The following TENM2 variants were observed in gnomAD, a reference collection of about 807,000 sequenced individuals.
The protein encoded by TENM2 is teneurin transmembrane protein 2, also known as teneurin-2.
In TENM2, 52 loss-of-function variants were observed where a neutral mutation model predicts 245.2. That is an observed-to-expected ratio of 0.21 (90% CI 0.17 to 0.27). TENM2 has a LOEUF of 0.27. Ranked by LOEUF, TENM2 falls within the 10% of genes least tolerant of loss-of-function variation. The pLI, the probability that TENM2 is intolerant of heterozygous loss-of-function variation, is 1.00. For synonymous variants in TENM2, 1,363 were observed against 1,438.9 expected, an observed-to-expected ratio of 0.95 and a Z score of 1.19; for missense variants, 3,046 against 3,666.8, an observed-to-expected ratio of 0.83 and a Z score of 4.37.
At chr5:168,149,595 C>T (rs1328882129) in intron 12 of TENM2, among the ~76,000 whole-genome samples, 1 of 152,202 alleles carries the variant, frequency 6.6e-6, no homozygotes, top group East Asian at 1.9e-4. Context: ...AGCCTCCACC[C>T]TGGCTTACCC....
chr5:168,074,743 C>A (rs1017261209), intron 7 of TENM2, among the ~76,000 whole-genome samples: 7 of 152,172 alleles, frequency 4.6e-5, no homozygotes, highest in Non-Finnish European at 1.0e-4. Context: ...CATTTTGCAC[C>A]GGATGTCTTC....
the TENM2 span, among the ~76,000 whole-genome samples, chr5:167,163,246 C>A: frequency 6.6e-6 from 1 of 152,250 alleles, no homozygotes; most frequent in Non-Finnish European, 1.5e-5. Flanking sequence ...GGACTACAGG[C>A]ACATGCCACC....
chr5:167,564,107 C>G (rs1240911049), intron 2 of TENM2, among the ~76,000 whole-genome samples: 2 of 152,142 alleles, frequency 1.3e-5, no homozygotes, highest in Non-Finnish European at 2.9e-5. Flanking sequence ...GCGAGTCAGA[C>G]AGTGACCAAA....
At chr5:167,442,028 AAAAAG>A (rs1231094357) in intron 2 of TENM2, among the ~76,000 whole-genome samples, 3 of 152,216 alleles carry the variant, frequency 2.0e-5, no homozygotes, top group African/African-American at 4.8e-5. Flanking sequence ...GAGAAATTTT[AAAAAG>A]AAAAGAAAAG....
At chr5:167,918,713 G>A (rs1227001290) in intron 3 of TENM2, among the ~76,000 whole-genome samples, 1 of 151,920 alleles carries the variant, frequency 6.6e-6, no homozygotes, top group Admixed American at 6.6e-5. Flanking sequence ...TAAGCATTTG[G>A]CCAGCACCTC....
chr5:167,792,733 A>C (rs1297222873), intron 2 of TENM2, among the ~76,000 whole-genome samples: 1 of 137,300 alleles, frequency 7.3e-6, no homozygotes, highest in African/African-American at 2.7e-5. Context: ...TGAAAAATGG[A>C]AAAAAAAAAA....
At chr5:167,043,527 T>A in the TENM2 span, among the ~76,000 whole-genome samples, 1 of 151,992 alleles carries the variant, frequency 6.6e-6, no homozygotes, top group Non-Finnish European at 1.5e-5. Flanking sequence ...CCCAGAGATG[T>A]GAAAAAGTGC....
chr5:167,071,730 AT>A, the TENM2 span, among the ~76,000 whole-genome samples: 2 of 152,154 alleles, frequency 1.3e-5, no homozygotes, highest in African/African-American at 4.8e-5. Context: ...TATGGTAGGC[AT>A]TGGCTTCCCA....
At chr5:167,092,048 T>TA in the TENM2 span, among the ~76,000 whole-genome samples, 2 of 152,168 alleles carry the variant, frequency 1.3e-5, no homozygotes, top group Non-Finnish European at 2.9e-5. Flanking sequence ...AGAGGCCACA[T>TA]ACAGGATTCA....
intron 15 of TENM2, among the ~76,000 whole-genome samples, chr5:168,195,649 A>C (rs1761369559): frequency 6.8e-6 from 1 of 147,372 alleles, no homozygotes; most frequent in African/African-American, 2.5e-5. Context: ...AAGGGAAGGT[A>C]GCTCTTAGAA....
chr5:167,260,276 T>C, the TENM2 span, among the ~76,000 whole-genome samples: 1 of 151,918 alleles, frequency 6.6e-6, no homozygotes, highest in Admixed American at 6.5e-5. Context: ...TTAGCATTGT[T>C]TGTTCCTTTT....
At chr5:167,154,540 T>C in the TENM2 span, among the ~76,000 whole-genome samples, 1 of 152,184 alleles carries the variant, frequency 6.6e-6, no homozygotes, top group African/African-American at 2.4e-5. Flanking sequence ...TGATAGTGAA[T>C]AAAAATTCTT....
chr5:167,745,794 C>A (rs965240710), intron 2 of TENM2, among the ~76,000 whole-genome samples: 2 of 152,184 alleles, frequency 1.3e-5, no homozygotes, highest in African/African-American at 4.8e-5. Flanking sequence ...TTTGTAGGTT[C>A]ATCTATGCAT....
At chr5:167,809,613 G>T (rs1004291088) in intron 2 of TENM2, among the ~76,000 whole-genome samples, 3 of 152,106 alleles carry the variant, frequency 2.0e-5, no homozygotes, top group African/African-American at 7.2e-5. Context: ...ACTTAATACA[G>T]ATATGCCCCA....
intron 2 of TENM2, among the ~76,000 whole-genome samples, chr5:167,713,885 A>T (rs1302918853): frequency 1.3e-5 from 2 of 152,032 alleles, no homozygotes; most frequent in Non-Finnish European, 2.9e-5. Flanking sequence ...GACATGCTTG[A>T]GGTTATTATA....
chr5:167,591,894 C>T (rs898857738), intron 2 of TENM2, among the ~76,000 whole-genome samples: 7 of 152,174 alleles, frequency 4.6e-5, no homozygotes, highest in South Asian at 2.1e-4. Context: ...GTAACAATTT[C>T]ATAATGCTTT....
chr5:167,446,826 CAG>C (rs35186541), intron 2 of TENM2, among the ~76,000 whole-genome samples: 3 of 150,496 alleles, frequency 2.0e-5, no homozygotes, highest in African/African-American at 7.4e-5. Context: ...CACACACACA[CAG>C]ACATACATAC....
At chr5:167,597,617 G>C (rs919776008) in intron 2 of TENM2, among the ~76,000 whole-genome samples, 1 of 152,226 alleles carries the variant, frequency 6.6e-6, no homozygotes, top group African/African-American at 2.4e-5. Flanking sequence ...GAGCAGGTGA[G>C]AGGACAGCAG....
chr5:167,301,760 G>C (rs1347832170), intron 1 of TENM2, among the ~76,000 whole-genome samples: 1 of 152,086 alleles, frequency 6.6e-6, no homozygotes, highest in Non-Finnish European at 1.5e-5. Context: ...ATCTGATTTG[G>C]GATAAGGAAA....
Sources: allele counts gnomAD v4.1 joint callset (sites outside exome capture counted in the v4.1 genomes callset), GRCh38; gene constraint gnomAD v4.1.1; transcripts MANE v1.5; gene names NCBI Gene and HGNC (gene_info 2026-07-23, HGNC 2026-07-21).